The following GET3 variants were observed in gnomAD, a reference collection of about 807,000 sequenced individuals.
GET3 encodes guided entry of tail-anchored proteins factor 3, ATPase.
A neutral mutation model predicts 32.4 loss-of-function variants in GET3; 15 were observed. The ratio of observed to expected loss-of-function variants is 0.46; its 90% confidence interval spans 0.31 to 0.71. The LOEUF (loss-of-function observed/expected upper bound fraction) is 0.71. GET3 is among the 30% of genes least tolerant of loss of function. The probability of loss-of-function intolerance (pLI) is 0.05; values close to 1 mark genes in which losing one functional copy is unlikely to be tolerated. For missense variants in GET3, 333 were observed against 459.0 expected, an observed-to-expected ratio of 0.73 and a Z score of 2.51; for synonymous variants, 198 against 185.6, an observed-to-expected ratio of 1.07 and a Z score of -0.54.
At chr19:12,738,438 C>G (rs1599446570) in intron 1 of GET3, 73 bp from the exon 2 acceptor site, 1 of 1,580,484 alleles carries the variant, frequency 6.3e-7, no homozygotes, top group Admixed American at 1.7e-5. Flanking sequence ...AGGGAACCTA[C>G]CACTCCCCTT....
chr19:12,745,316 C>A lies in GET3; in HGVS notation c.310-61C>A, dbSNP rs539497963. ...AGGAAGGCTCCCCCTGGCCCTGTGC[C>A]CAGGTGGGAAGGCTCCCCCAGCAGT... On this transcript the variant is annotated intron_variant, in intron 2 of 6. Transcript: ENST00000357332. This position sits in a 1 kb window ranked among gnomAD's most constrained non-coding sequence, Gnocchi z 5.0. The A allele has an allele frequency of 2.5e-6, 4 of 1,581,690 alleles. No individual in the cohort carries two copies. The highest frequency in any genetic ancestry group is 1.7e-6 in the Non-Finnish European group (2 of 1,167,964).
Position 12,747,892 on chromosome 19 carries a change from T to C in GET3, c.916-81T>C. ...CCCTGACTCTGGAAGCTTTCTAGCT[T>C]TACCGCTTCTATTGATCCACACTCT... On this transcript the variant is annotated intron_variant, in intron 6 of 6. Coordinates refer to ENST00000357332, the MANE Select transcript of GET3 (RefSeq NM_004317.4). This position sits in a 1 kb window ranked among gnomAD's most constrained non-coding sequence, Gnocchi z 4.0. 1.4e-6 allele frequency: 2 copies of C among 1,430,750 alleles called. No homozygotes were observed. Among genetic ancestry groups the C allele is most frequent in the Non-Finnish European group, 1.9e-6 (2 of 1,051,540 alleles). 88.6% of individuals were successfully genotyped at this position (1,430,750 alleles called of 1,614,324 possible).
At position 12,746,776 on chromosome 19, in the gene GET3, G is replaced by A. The variant is rs376151873; in HGVS notation, c.610-421G>A. Among the ~76,000 whole-genome samples, 33 of 152,214 alleles carry A rather than the reference G, an allele frequency of 2.2e-4. No individual in the cohort carries two copies. In the East Asian group the frequency reaches 4.8e-3, roughly 22 times the overall value. On this transcript the variant is annotated intron_variant, in intron 4 of 6. Transcript: ENST00000357332. The stretch of plus-strand genomic sequence containing the variant: ...TGTAATCCTAGGACTTCGCAAGGCC[G>A]AGGCAGGTGGATTGCCTGAGGTCAG...
chr19:12,738,603 A>G lies in GET3; in HGVS notation c.254A>G (p.Gln85Arg). 6.2e-7 allele frequency: 1 copy of G among 1,614,236 alleles called. No individual in the cohort carries two copies. The highest frequency in any genetic ancestry group is 8.5e-7 in the Non-Finnish European group (1 of 1,180,048). The change falls in exon 2 of 7, where the codon CAG becomes CGG. Residue 85 changes from glutamine to arginine, a missense_variant. Physicochemically the swap from Gln to Arg is conservative, Grantham distance 43. Transcript: ENST00000357332. Reference protein sequence around the residue: ...PAHNISDAFDQKFSKVPTKVK... With the variant: ...PAHNISDAFDRKFSKVPTKVK... ...CACAACATCTCAGATGCTTTTGACC[A>G]GAAGTTCTCAAAGGTGCCTACCAAG...
intron 2 of GET3, among the ~76,000 whole-genome samples, chr19:12,742,585 T>G (rs1351494129): frequency 1.3e-5 from 2 of 152,082 alleles, no homozygotes; most frequent in African/African-American, 4.8e-5. Flanking sequence ...CGGCTAATTT[T>G]TAGTATTTTT....
chr19:12,737,802 T>A, intron 1 of GET3, 136 bp downstream of exon 1: 1 of 1,195,348 alleles, frequency 8.4e-7, no homozygotes, highest in East Asian at 2.9e-5. Flanking sequence ...CTCTGGAAGT[T>A]ACCTGGAGCA....
intron 4 of GET3, among the ~76,000 whole-genome samples, chr19:12,746,945 G>A (rs1205820609): frequency 2.0e-5 from 3 of 151,704 alleles, no homozygotes; most frequent in Non-Finnish European, 2.9e-5. Context: ...AGGAGGCGGC[G>A]GTTGCAGTGA....
At chr19:12,746,156 G>A (rs1021062405) in intron 4 of GET3, among the ~76,000 whole-genome samples, 1 of 151,956 alleles carries the variant, frequency 6.6e-6, no homozygotes, top group African/African-American at 2.4e-5. Flanking sequence ...TATTCGAGAC[G>A]GAGTCTCGCT....
At chr19:12,740,430 A>C (rs1260593931) in intron 2 of GET3, among the ~76,000 whole-genome samples, 1 of 151,870 alleles carries the variant, frequency 6.6e-6, no homozygotes, top group Non-Finnish European at 1.5e-5. Context: ...TAATCTCAGC[A>C]CTTTGGGAGG....
At chr19:12,737,784 G>A (rs1159094827) in intron 1 of GET3, 118 bp downstream of exon 1, 17 of 1,357,636 alleles carry the variant, frequency 1.3e-5, no homozygotes, top group East Asian at 2.8e-5. Flanking sequence ...GGGTCTTTGG[G>A]TTTCACTCTC....
chr19:12,744,342 CAG>C (rs1331981989), intron 2 of GET3, among the ~76,000 whole-genome samples: 1 of 151,610 alleles, frequency 6.6e-6, no homozygotes, highest in African/African-American at 2.4e-5. Flanking sequence ...TTTTTTGAGA[CAG>C]AGTCTCCCTC....
In GET3 at chr19:12,743,865, G is replaced by A. The variant is rs1224812446; in HGVS notation, c.310-1512G>A. ...CTGCCTCAGCCTCCCAAGTAGCTGG[G>A]ACTACAGGCACCCGCCACCTCGCCC... On this transcript the variant is annotated intron_variant, in intron 2 of 6. Transcript: ENST00000357332. 1.6e-4 allele frequency among the ~76,000 whole-genome samples: 22 copies of A among 140,768 alleles called. 1 individual carries two copies. The South Asian group carries it at 5.1e-3, about 33-fold the overall frequency. The allele number at this position is 140,768 out of a possible 152,430, so 92.3% of individuals were successfully genotyped here. A position where few individuals can be genotyped will look rare whatever the true frequency, so the allele number is the denominator to read the frequency against.
Position 12,748,033 on chromosome 19 carries a change from CG to C in GET3, c.982del (p.Ala328GlnfsTer77). Reference sequence around the variant, plus strand: ...GCTGCCGCTGTTACCCCATGAGGTGCGGGGGGCAGACAAGGTCAACACCTTC... The same window carrying C: ...GCTGCCGCTGTTACCCCATGAGGTGCGGGGGCAGACAAGGTCAACACCTTC... ...VKLPLLPHEVRGADKVNTFSA... is the reference protein window; with the variant it reads ...VKLPLLPHEVXGADKVNTFSA... On this transcript the variant is annotated frameshift_variant, in exon 7 of 7. Coordinates refer to ENST00000357332, the MANE Select transcript of GET3 (RefSeq NM_004317.4). LOFTEE classifies it high-confidence loss of function. 2 of 1,611,820 alleles carry C rather than the reference CG, an allele frequency of 1.2e-6. No homozygotes were observed. The highest frequency in any genetic ancestry group is 1.1e-5 in the South Asian group (1 of 90,886).
At chr19:12,741,802 C>T (rs1475959369) in intron 2 of GET3, among the ~76,000 whole-genome samples, 1 of 151,828 alleles carries the variant, frequency 6.6e-6, no homozygotes, top group African/African-American at 2.4e-5. Context: ...CGCCTGTAAT[C>T]CCAGATACTC....
Position 12,747,397 on chromosome 19 carries a change from G to A in GET3, c.720G>A (p.Glu240=). 1.9e-6 allele frequency: 3 copies of A among 1,614,154 alleles called. No individual in the cohort carries two copies. Among genetic ancestry groups the A allele is most frequent in the East Asian group, 2.2e-5 (1 of 44,892 alleles). ...CTGTCCTCTCTCGTGCCCTGTAGGA[G>A]CAGACAACTTTCATCTGCGTATGCA... ...RSVSEQFKDP[E]QTTFICVCIA... is the part of the protein sequence containing the mutation. The change falls in exon 6 of 7, where the codon GAG becomes GAA. Residue 240 remains glutamate, a splice_region_variant and synonymous_variant. Transcript: ENST00000357332. This position sits in a 1 kb window ranked among gnomAD's most constrained non-coding sequence, Gnocchi z 4.0.
rs376291196 is a variant in GET3, at chr19:12,738,502, A to T, written c.162-9A>T. The T allele has an allele frequency of 4.3e-6, 7 of 1,613,700 alleles. No individual in the cohort carries two copies. The African/African-American group carries it at 9.3e-5, about 22-fold the overall frequency. On this transcript the variant is annotated splice_polypyrimidine_tract_variant and intron_variant, in intron 1 of 6. Transcript: ENST00000357332. ...TCATCCCCTATCTTTTGACTTTTCC[A>T]TTACTCAGCTGCAGCCTGGCAGTCC... is the stretch of plus-strand genomic sequence containing the variant.
In GET3 at chr19:12,745,518, G is replaced by T; in HGVS notation, c.451G>T (p.Val151Phe). 1 of 1,613,012 alleles carries T rather than the reference G, an allele frequency of 6.2e-7. No homozygotes were observed. ...CGATGAGGCCATGAGCTATGCCGAG[G>T]TCATGAGGTCAGGCCCAGCCAGCAG... ...GIDEAMSYAE[V>F]MRLVKGMNFS... is the part of the protein sequence containing the mutation. The change falls in exon 3 of 7, where the codon GTC (valine) becomes TTC (phenylalanine). Residue 151 changes from valine (V) to phenylalanine (F), a missense_variant. Val to Phe is a conservative substitution (Grantham distance 50). Coordinates refer to ENST00000357332, the MANE Select transcript of GET3 (RefSeq NM_004317.4). This position sits in a 1 kb window ranked among gnomAD's most constrained non-coding sequence, Gnocchi z 5.0.
At position 12,747,841 on chromosome 19, in the gene GET3, C is replaced by A; in HGVS notation, c.916-132C>A. On this transcript the variant is annotated intron_variant, in intron 6 of 6. Coordinates refer to ENST00000357332, the MANE Select transcript of GET3 (RefSeq NM_004317.4). This position sits in a 1 kb window ranked among gnomAD's most constrained non-coding sequence, Gnocchi z 4.0. ...AGTGATGCAGCTCCCACTTATGACA[C>A]CTTAAGCTCCTGCCCTATATTCTCT... 9.3e-7 allele frequency: 1 copy of A among 1,074,010 alleles called. No individual in the cohort carries two copies. Among genetic ancestry groups the A allele is most frequent in the Non-Finnish European group, 1.4e-6 (1 of 739,100 alleles). 66.5% of individuals were successfully genotyped at this position (1,074,010 alleles called of 1,614,324 possible). A position where few individuals can be genotyped will look rare whatever the true frequency, so the allele number is the denominator to read the frequency against.
intron 2 of GET3, among the ~76,000 whole-genome samples, chr19:12,744,559 A>G (rs8177477): frequency 0.045 from 6,788 of 152,230 alleles, 194 homozygotes; most frequent in South Asian, 0.067. Flanking sequence ...ACCTCAGGTG[A>G]TCTGCCCGCC....
Sources: allele counts gnomAD v4.1 joint callset (sites outside exome capture counted in the v4.1 genomes callset), GRCh38; gene constraint gnomAD v4.1.1; non-coding constraint Gnocchi (gnomAD v3.1); transcripts MANE v1.5; gene names NCBI Gene and HGNC (gene_info 2026-07-23, HGNC 2026-07-21).